Variants in RBFOX3 observed in about 807,000 individuals in gnomAD.
The protein encoded by RBFOX3 is RNA binding protein fox-1 homolog 3.
A neutral mutation model predicts 48.7 loss-of-function variants in RBFOX3; 17 were observed. The ratio of observed to expected loss-of-function variants is 0.35; its 90% CI spans 0.24 to 0.52. RBFOX3 has a LOEUF of 0.52. RBFOX3 is among the 20% of genes least tolerant of loss of function. RBFOX3 has a pLI of 0.94. For synonymous variants in RBFOX3, 212 were observed against 209.5 expected, an observed-to-expected ratio of 1.01 and a Z score of -0.10; for missense variants, 382 against 497.5, an observed-to-expected ratio of 0.77 and a Z score of 2.21.
intron 1 of RBFOX3, among the ~76,000 whole-genome samples, chr17:79,585,029 C>T (rs1377463255): frequency 5.9e-5 from 9 of 151,834 alleles, no homozygotes; most frequent in East Asian, 4.0e-4. Context: ...CCTCCCAAAG[C>T]GCTGGGATTA....
rs1417945900 is a variant in RBFOX3 at position 79,214,936 on chromosome 17, C to T, written c.-34+20830G>A. On this transcript the variant is annotated intron_variant, in intron 4 of 14. Coordinates refer to ENST00000693108, the MANE Select transcript of RBFOX3 (RefSeq NM_001350451.2). This position sits in a 1 kb window ranked among gnomAD's most constrained non-coding sequence, Gnocchi z 4.7. ...TACCGCTAATTTGGAGACGTTCTGC[C>T]TTGGCATCTTCGCCTGGTGCCGGTC... is the stretch of plus-strand genomic sequence containing the variant. Among the ~76,000 whole-genome samples the T allele has an allele frequency of 6.6e-6, 1 of 152,208 alleles. No individual in the cohort carries two copies. The highest frequency in any genetic ancestry group is 1.5e-5 in the Non-Finnish European group (1 of 68,032).
At chr17:79,577,379 A>C (rs1470911008) in intron 1 of RBFOX3, among the ~76,000 whole-genome samples, 2 of 152,220 alleles carry the variant, frequency 1.3e-5, no homozygotes, top group African/African-American at 4.8e-5. Flanking sequence ...GATGGAAGAA[A>C]GTGAGCAATT....
At chr17:79,634,064 C>T in the RBFOX3 span, among the ~76,000 whole-genome samples, 1 of 152,218 alleles carries the variant, frequency 6.6e-6, no homozygotes, top group East Asian at 1.9e-4. Flanking sequence ...CCTCACCGGG[C>T]TTATCTGCCT....
At chr17:79,454,162 C>T (rs1453751117) in intron 2 of RBFOX3, among the ~76,000 whole-genome samples, 3 of 152,158 alleles carry the variant, frequency 2.0e-5, no homozygotes, top group Non-Finnish European at 4.4e-5. Flanking sequence ...CTCCTCAGCC[C>T]CTTCTGCACC....
chr17:79,644,112 A>G, the RBFOX3 span, among the ~76,000 whole-genome samples: 6 of 152,196 alleles, frequency 3.9e-5, no homozygotes, highest in Non-Finnish European at 8.8e-5. Flanking sequence ...AATGAGATGG[A>G]CATATTTCTG....
chr17:79,103,090 G>T lies in RBFOX3; in HGVS notation c.507+72C>A. 1 of 1,163,468 alleles carries T rather than the reference G, an allele frequency of 8.6e-7. No individual in the cohort carries two copies. The highest frequency in any genetic ancestry group is 1.3e-6 in the Non-Finnish European group (1 of 797,706). 72.1% of individuals were successfully genotyped at this position (1,163,468 alleles called of 1,614,324 possible). ...GAAGGGTGCGGCAGTGGCAGGGCTGGTTGGTTGGGGGAGCTGGGGGGCAGG... is the reference window on the plus strand; with the variant it reads ...GAAGGGTGCGGCAGTGGCAGGGCTGTTTGGTTGGGGGAGCTGGGGGGCAGG... On this transcript the variant is annotated intron_variant, in intron 8 of 14. Coordinates refer to ENST00000693108, the MANE Select transcript of RBFOX3 (RefSeq NM_001350451.2). The surrounding 1 kb of genome is among the most constrained non-coding windows in gnomAD (Gnocchi z 6.1).
At position 79,468,656 on chromosome 17, in the gene RBFOX3, T is replaced by C. The variant is rs1307831195; in HGVS notation, c.-175+13798A>G. ...ATAGACAGAAGGATGGATGGATGAA[T>C]GGATGGATGGATAGATAGATAGGAG... is the stretch of plus-strand genomic sequence containing the variant. On this transcript the variant is annotated intron_variant, in intron 2 of 14. Coordinates refer to ENST00000693108, the MANE Select transcript of RBFOX3 (RefSeq NM_001350451.2). Among the ~76,000 whole-genome samples the C allele has an allele frequency of 4.7e-5, 7 of 149,118 alleles. No individual in the cohort carries two copies. In the East Asian group the frequency reaches 6.0e-4, roughly 13 times the overall value.
chr17:79,648,388 G>A, the RBFOX3 span, among the ~76,000 whole-genome samples: 43 of 152,294 alleles, frequency 2.8e-4, no homozygotes, highest in African/African-American at 9.6e-4. Context: ...GAACTGGGCC[G>A]CTGAGGTATG....
chr17:79,094,308 A>G (rs557384460), intron 14 of RBFOX3, 143 bp downstream of exon 14: 19 of 558,608 alleles, frequency 3.4e-5, no homozygotes, highest in Non-Finnish European at 5.4e-5. Flanking sequence ...CCTCACCCTA[A>G]CTCACATCCA....
intron 2 of RBFOX3, among the ~76,000 whole-genome samples, chr17:79,367,154 G>A (rs545682054): frequency 4.6e-5 from 7 of 152,126 alleles, no homozygotes; most frequent in Admixed American, 6.5e-5. Flanking sequence ...GTCGGCTTCC[G>A]GAGGACCCCA....
At chr17:79,403,477 A>G (rs965412849) in intron 2 of RBFOX3, among the ~76,000 whole-genome samples, 1 of 152,206 alleles carries the variant, frequency 6.6e-6, no homozygotes, top group African/African-American at 2.4e-5. Context: ...TCCAGAGCTC[A>G]GGAATAATCC....
chr17:79,495,715 G>C (rs1345856656), intron 1 of RBFOX3, among the ~76,000 whole-genome samples: 6 of 143,814 alleles, frequency 4.2e-5, no homozygotes, highest in Non-Finnish European at 7.7e-5. Context: ...GGGCACAGGG[G>C]TGCAGATGGA....
In RBFOX3 at chr17:79,243,656, A is replaced by G. The variant is rs538021150; in HGVS notation, c.-73-7851T>C. ...GAACTTAGCGCACACCTGTGGACTGAACTGAACTCACTGGCCCACCCCTGA... is the reference window on the plus strand; with the variant it reads ...GAACTTAGCGCACACCTGTGGACTGGACTGAACTCACTGGCCCACCCCTGA... On this transcript the variant is annotated intron_variant, in intron 3 of 14. Coordinates refer to ENST00000693108, the MANE Select transcript of RBFOX3 (RefSeq NM_001350451.2). The surrounding 1 kb of genome is among the most constrained non-coding windows in gnomAD (Gnocchi z 7.9). 3.9e-5 allele frequency among the ~76,000 whole-genome samples: 6 copies of G among 152,120 alleles called. No individual in the cohort carries two copies. The East Asian group carries it at 5.8e-4, about 15-fold the overall frequency.
In RBFOX3 at chr17:79,130,309, C is replaced by T. The variant is rs117606155; in HGVS notation, c.-33-14561G>A. Among the ~76,000 whole-genome samples the T allele has an allele frequency of 4.4e-3, 673 of 152,296 alleles. 1 individual carries two copies. The highest frequency in any genetic ancestry group is 6.8e-3 in the Middle Eastern group (2 of 294). ...CCAGGGCAGATCAAGAGCCTGCCCC[C>T]GCCCCTCAGACCTAGAGGGGCTTCA... On this transcript the variant is annotated intron_variant, in intron 4 of 14. Coordinates refer to ENST00000693108, the MANE Select transcript of RBFOX3 (RefSeq NM_001350451.2).
At chr17:79,112,583 G>A (rs1173188623) in intron 5 of RBFOX3, among the ~76,000 whole-genome samples, 1 of 152,114 alleles carries the variant, frequency 6.6e-6, no homozygotes, top group Non-Finnish European at 1.5e-5. Flanking sequence ...TCCCATCGAC[G>A]CCATCAGCCC....
the RBFOX3 span, among the ~76,000 whole-genome samples, chr17:79,627,330 G>A: frequency 1.3e-5 from 2 of 152,142 alleles, no homozygotes; most frequent in African/African-American, 4.8e-5. Flanking sequence ...GCACAACCAG[G>A]CCCCATGGCA....
intron 1 of RBFOX3, among the ~76,000 whole-genome samples, chr17:79,587,684 C>A (rs1365447793): frequency 6.6e-6 from 1 of 152,146 alleles, no homozygotes; most frequent in East Asian, 1.9e-4. Flanking sequence ...AGCTTCGGAC[C>A]AAGCGGCACC....
chr17:79,585,696 A>G (rs2093228058), intron 1 of RBFOX3, among the ~76,000 whole-genome samples: 1 of 152,200 alleles, frequency 6.6e-6, no homozygotes, highest in Admixed American at 6.5e-5. Flanking sequence ...GGGAGAGTGA[A>G]GAAAGAGGAT....
chr17:79,431,470 C>T (rs574472090), intron 2 of RBFOX3, among the ~76,000 whole-genome samples: 110 of 148,492 alleles, frequency 7.4e-4, no homozygotes, highest in Admixed American at 1.4e-3. Context: ...CCCCCCACCC[C>T]CCACCATGCC....
Sources: allele counts gnomAD v4.1 joint callset (sites outside exome capture counted in the v4.1 genomes callset), GRCh38; gene constraint gnomAD v4.1.1; non-coding constraint Gnocchi (gnomAD v3.1); transcripts MANE v1.5; gene names NCBI Gene and HGNC (gene_info 2026-07-23, HGNC 2026-07-21).